The following KLRF1 variants were observed in gnomAD, a reference collection of about 807,000 sequenced individuals.
The protein encoded by KLRF1 is killer cell lectin-like receptor subfamily F member 1.
Under a neutral mutation model 30.7 loss-of-function variants are expected in KLRF1, and 27 were observed. The observed-to-expected ratio is 0.88, with a 90% CI of 0.65 to 1.21. The LOEUF is 1.21. Among genes scored for constraint, KLRF1 ranks in the 50% most tolerant of loss-of-function variants. The pLI is 0.00. For missense variants in KLRF1, 246 were observed against 259.3 expected, an observed-to-expected ratio of 0.95 and a Z score of 0.35; for synonymous variants, 92 against 89.3, an observed-to-expected ratio of 1.03 and a Z score of -0.17.
At chr12:9,813,912 C>T in the KLRF1 span, among the ~76,000 whole-genome samples, 3 of 152,064 alleles carry the variant, frequency 2.0e-5, no homozygotes, top group Admixed American at 2.0e-4. Context: ...TGTTCCAGGA[C>T]GGAGCTCAGG....
intron 3 of KLRF1, among the ~76,000 whole-genome samples, chr12:9,833,901 C>CTTTTTTTTTTTT (rs35443913): frequency 5.5e-4 from 45 of 82,404 alleles, no homozygotes; most frequent in African/African-American, 2.4e-3. Context: ...AAATGTTTAA[C>CTTTTTTTTTTTT]TTTTTTTTTT....
intron 3 of KLRF1, among the ~76,000 whole-genome samples, chr12:9,840,628 A>G (rs1457036474): frequency 6.6e-6 from 1 of 152,122 alleles, no homozygotes; most frequent in Non-Finnish European, 1.5e-5. Context: ...TCATTTAATC[A>G]TTAATTAATA....
chr12:9,809,124 G>C, the KLRF1 span, among the ~76,000 whole-genome samples: 1 of 152,182 alleles, frequency 6.6e-6, no homozygotes, highest in East Asian at 1.9e-4. Context: ...TTAGCGAGAT[G>C]AATTTTTTAA....
intron 3 of KLRF1, among the ~76,000 whole-genome samples, chr12:9,838,802 T>G (rs1247051914): frequency 1.3e-5 from 2 of 152,134 alleles, no homozygotes; most frequent in Non-Finnish European, 2.9e-5. Flanking sequence ...ATTGGATAAT[T>G]GCTTTAATGA....
At chr12:9,835,139 G>T (rs1001494136) in intron 3 of KLRF1, among the ~76,000 whole-genome samples, 2 of 152,024 alleles carry the variant, frequency 1.3e-5, no homozygotes, top group African/African-American at 4.8e-5. Context: ...AGGGGAACAG[G>T]GAGCTCTTCG....
rs1464678071 is a variant in KLRF1, at chr12:9,832,355, G to T, written c.125G>T (p.Gly42Val). The change falls in exon 2 of 6, where the codon GGA becomes GTA. Residue 42 changes from glycine (G) to valine (V), a missense_variant. Physicochemically the swap from Gly to Val is moderately radical, Grantham distance 109 (BLOSUM62 -3). Transcript: ENST00000617889. ...VTLHWYKILL[G>V]ISGTVNGILT... ...TTGCACTGGTATAAAATCTTACTGG[G>T]AATATCTGGAACCGTGAATGGTATT... 1 of 1,609,704 alleles carries T rather than the reference G, an allele frequency of 6.2e-7. No individual in the cohort carries two copies. The highest frequency in any genetic ancestry group is 8.5e-7 in the Non-Finnish European group (1 of 1,176,728).
the KLRF1 span, among the ~76,000 whole-genome samples, chr12:9,822,096 C>T: frequency 6.6e-6 from 1 of 152,194 alleles, no homozygotes; most frequent in Non-Finnish European, 1.5e-5. Flanking sequence ...TCCAGCAACT[C>T]AAATGGCCAG....
chr12:9,821,809 A>T, the KLRF1 span, among the ~76,000 whole-genome samples: 1 of 152,222 alleles, frequency 6.6e-6, no homozygotes, highest in African/African-American at 2.4e-5. Context: ...AAGAAATATA[A>T]GGGAGCCACA....
chr12:9,804,034 A>G, the KLRF1 span, among the ~76,000 whole-genome samples: 2 of 151,780 alleles, frequency 1.3e-5, no homozygotes, highest in African/African-American at 4.9e-5. Context: ...TGGCTACACC[A>G]TTTTACATTC....
the KLRF1 span, among the ~76,000 whole-genome samples, chr12:9,818,252 G>A: frequency 2.0e-5 from 3 of 152,134 alleles, no homozygotes; most frequent in East Asian, 1.9e-4. Flanking sequence ...TTGAATCAAC[G>A]TTAAGGATGT....
chr12:9,817,142 T>C, the KLRF1 span, among the ~76,000 whole-genome samples: 148,202 of 152,324 alleles, frequency 0.97, 72,219 homozygotes, highest in East Asian at 1. Flanking sequence ...GGGCACAGAA[T>C]GGTTAGCAAT....
chr12:9,832,702 T>C (rs1342105860), intron 2 of KLRF1, among the ~76,000 whole-genome samples: 1 of 151,860 alleles, frequency 6.6e-6, no homozygotes, highest in Non-Finnish European at 1.5e-5. Flanking sequence ...TGTGTGTATG[T>C]GTGGTATTTG....
At chr12:9,834,638 T>C (rs1370916129) in intron 3 of KLRF1, among the ~76,000 whole-genome samples, 1 of 151,954 alleles carries the variant, frequency 6.6e-6, no homozygotes, top group African/African-American at 2.4e-5. Flanking sequence ...AAACGGCAGA[T>C]ACAAGGTCCG....
the KLRF1 span, among the ~76,000 whole-genome samples, chr12:9,809,749 T>G: frequency 6.6e-6 from 1 of 151,878 alleles, no homozygotes; most frequent in South Asian, 2.1e-4. Context: ...GATTTAAACT[T>G]AGGTTAAGAA....
At chr12:9,819,389 C>T in the KLRF1 span, among the ~76,000 whole-genome samples, 1 of 152,176 alleles carries the variant, frequency 6.6e-6, no homozygotes, top group Non-Finnish European at 1.5e-5. Context: ...AAGGTTATAC[C>T]TCCCCTGAGA....
At chr12:9,831,688 G>A (rs535196766) in intron 1 of KLRF1, among the ~76,000 whole-genome samples, 15 of 152,210 alleles carry the variant, frequency 9.9e-5, no homozygotes, top group Non-Finnish European at 1.9e-4. Context: ...TCCAATGATA[G>A]CAGTTTCTTG....
the KLRF1 span, among the ~76,000 whole-genome samples, chr12:9,811,050 G>C: frequency 5.3e-5 from 8 of 152,108 alleles, no homozygotes; most frequent in Non-Finnish European, 1.2e-4. Flanking sequence ...TTTCCTGTGG[G>C]CCGGATGAAG....
intron 3 of KLRF1, among the ~76,000 whole-genome samples, chr12:9,837,101 A>T (rs955526975): frequency 6.6e-6 from 1 of 151,998 alleles, no homozygotes; most frequent in Non-Finnish European, 1.5e-5. Context: ...TACATACCCA[A>T]CAAGCAAATC....
the KLRF1 span, among the ~76,000 whole-genome samples, chr12:9,810,022 T>G: frequency 4.3e-3 from 655 of 152,236 alleles, 4 homozygotes; most frequent in African/African-American, 0.015. Context: ...AGTCCTAAAT[T>G]TCATCATTAA....
Sources: allele counts gnomAD v4.1 joint callset (sites outside exome capture counted in the v4.1 genomes callset), GRCh38; gene constraint gnomAD v4.1.1; transcripts MANE v1.5; gene names NCBI Gene and HGNC (gene_info 2026-07-23, HGNC 2026-07-21).